The following FRMD4A variants were observed in gnomAD, a reference collection of about 807,000 sequenced individuals.
FRMD4A encodes FERM domain containing 4A, also known as FERM domain-containing protein 4A.
FRMD4A carries 29 observed loss-of-function variants against 129.1 expected under a neutral mutation model. The observed-to-expected ratio is 0.22, with a 90% CI of 0.17 to 0.31. FRMD4A has a LOEUF of 0.31. FRMD4A is among the 10% of genes least tolerant of loss of function. FRMD4A has a pLI of 1.00. For missense variants in FRMD4A, 1,272 were observed against 1,375.8 expected, an observed-to-expected ratio of 0.92 and a Z score of 1.19; for synonymous variants, 634 against 571.6, an observed-to-expected ratio of 1.11 and a Z score of -1.56.
intron 12 of FRMD4A, 43 bp downstream of exon 12, chr10:13,737,801 T>C (rs980033424): frequency 5.7e-6 from 6 of 1,053,828 alleles, no homozygotes; most frequent in Non-Finnish European, 9.0e-6. Context: ...TGTTCCTCTC[T>C]GGATCTGAGA....
chr10:13,968,375 A>G (rs2095498020), intron 2 of FRMD4A, among the ~76,000 whole-genome samples: 2 of 152,388 alleles, frequency 1.3e-5, no homozygotes, highest in East Asian at 1.9e-4. Flanking sequence ...AAAGACAGCT[A>G]AAATACAATA....
chr10:14,075,036 T>G (rs190340541), intron 2 of FRMD4A, among the ~76,000 whole-genome samples: 273 of 151,966 alleles, frequency 1.8e-3, no homozygotes, highest in African/African-American at 6.2e-3. Context: ...CCTTATGAAT[T>G]AAAAAAGCAA....
intron 2 of FRMD4A, among the ~76,000 whole-genome samples, chr10:14,077,035 G>C (rs113531272): frequency 0.011 from 1,731 of 152,218 alleles, 42 homozygotes; most frequent in African/African-American, 0.04. Context: ...TTTGCCCTTT[G>C]AGCCTCTCAC....
chr10:14,038,262 G>T (rs1214442203), intron 2 of FRMD4A, among the ~76,000 whole-genome samples: 2 of 152,154 alleles, frequency 1.3e-5, no homozygotes, highest in African/African-American at 4.8e-5. Context: ...GGCGGAGCTT[G>T]CAGTGAGCCA....
intron 3 of FRMD4A, among the ~76,000 whole-genome samples, chr10:13,816,462 T>C (rs2093544330): frequency 1.3e-5 from 2 of 152,234 alleles, no homozygotes; most frequent in South Asian, 2.1e-4. Flanking sequence ...TTGTTTGTCA[T>C]TGCAGCATAA....
At chr10:14,076,900 A>G (rs1326507797) in intron 2 of FRMD4A, among the ~76,000 whole-genome samples, 1 of 152,176 alleles carries the variant, frequency 6.6e-6, no homozygotes, top group East Asian at 1.9e-4. Flanking sequence ...CAAGTCAGGG[A>G]GTTGGAGGGG....
At chr10:14,099,388 CTA>C (rs1203523288) in intron 2 of FRMD4A, among the ~76,000 whole-genome samples, 1 of 152,188 alleles carries the variant, frequency 6.6e-6, no homozygotes, top group East Asian at 1.9e-4. Flanking sequence ...ATCAGAATAG[CTA>C]TGACTTCTCA....
At chr10:13,980,673 T>C (rs1565151417) in intron 2 of FRMD4A, among the ~76,000 whole-genome samples, 4 of 152,294 alleles carry the variant, frequency 2.6e-5, no homozygotes, top group South Asian at 4.1e-4. Context: ...TGAGCTATGA[T>C]TGCACCACTG....
At chr10:13,939,173 G>T (rs2095271916) in intron 2 of FRMD4A, among the ~76,000 whole-genome samples, 1 of 152,198 alleles carries the variant, frequency 6.6e-6, no homozygotes, top group Non-Finnish European at 1.5e-5. Flanking sequence ...CAACCGTATG[G>T]TTCACATTAT....
chr10:13,953,050 T>C (rs959203503), intron 2 of FRMD4A, among the ~76,000 whole-genome samples: 1 of 152,136 alleles, frequency 6.6e-6, no homozygotes, highest in African/African-American at 2.4e-5. Context: ...ATGAGGATGG[T>C]GGTCATAGCT....
intron 3 of FRMD4A, among the ~76,000 whole-genome samples, chr10:13,812,039 T>C (rs572749170): frequency 2.6e-5 from 4 of 152,208 alleles, no homozygotes; most frequent in Admixed American, 1.3e-4. Context: ...CGTGCCACCA[T>C]GCCCAACGAA....
At chr10:13,672,402 T>G (rs887971004) in intron 16 of FRMD4A, among the ~76,000 whole-genome samples, 7 of 152,150 alleles carry the variant, frequency 4.6e-5, no homozygotes, top group Admixed American at 6.6e-5. Context: ...AACACAACTA[T>G]TGAGGGTTTT....
intron 2 of FRMD4A, among the ~76,000 whole-genome samples, chr10:14,284,317 G>T (rs1040605309): frequency 2.0e-5 from 3 of 152,088 alleles, no homozygotes; most frequent in African/African-American, 4.8e-5. Context: ...AGTGATGGTG[G>T]TAACTGAAAT....
chr10:14,169,198 C>A (rs1035605636), intron 2 of FRMD4A, among the ~76,000 whole-genome samples: 2 of 151,994 alleles, frequency 1.3e-5, no homozygotes, highest in African/African-American at 4.8e-5. Context: ...TAAGATTATT[C>A]CTTGCCTATT....
At chr10:14,184,840 A>T (rs1029046214) in intron 2 of FRMD4A, among the ~76,000 whole-genome samples, 1 of 152,182 alleles carries the variant, frequency 6.6e-6, no homozygotes, top group Non-Finnish European at 1.5e-5. Flanking sequence ...GAAATGATAG[A>T]TATCCTTACC....
intron 2 of FRMD4A, among the ~76,000 whole-genome samples, chr10:14,249,454 G>C (rs12258655): frequency 0.27 from 41,110 of 152,078 alleles, 5,677 homozygotes; most frequent in Middle Eastern, 0.33. Context: ...GGCCAGGACT[G>C]TCTTACTCTA....
chr10:14,011,777 G>C (rs185139525), intron 2 of FRMD4A, among the ~76,000 whole-genome samples: 1 of 152,272 alleles, frequency 6.6e-6, no homozygotes, highest in East Asian at 1.9e-4. Context: ...GGGACTCAGA[G>C]GTAGGTGGAT....
intron 2 of FRMD4A, among the ~76,000 whole-genome samples, chr10:14,327,688 A>G (rs1843332655): frequency 6.6e-6 from 1 of 152,190 alleles, no homozygotes; most frequent in African/African-American, 2.4e-5. Flanking sequence ...TGGCCAGATC[A>G]TCTCCCCACC....
chr10:14,225,483 G>A (rs1317438841), intron 2 of FRMD4A, among the ~76,000 whole-genome samples: 1 of 152,202 alleles, frequency 6.6e-6, no homozygotes, highest in Non-Finnish European at 1.5e-5. Flanking sequence ...GTCATCTATG[G>A]AAACACAGTG....
Sources: allele counts gnomAD v4.1 joint callset (sites outside exome capture counted in the v4.1 genomes callset), GRCh38; gene constraint gnomAD v4.1.1; transcripts MANE v1.5; gene names NCBI Gene and HGNC (gene_info 2026-07-23, HGNC 2026-07-21).